Variants in MACF1 observed in about 807,000 individuals in gnomAD.
MACF1 encodes the protein microtubule-actin cross-linking factor 1.
Under a neutral mutation model 854.8 loss-of-function variants are expected in MACF1, and 193 were observed. That is an observed-to-expected ratio of 0.23 (90% CI 0.20 to 0.25). MACF1 has a LOEUF of 0.25. MACF1 is among the 10% of genes least tolerant of loss of function. The pLI, the probability that MACF1 is intolerant of heterozygous loss-of-function variation, is 1.00. For synonymous variants in MACF1, 3,185 were observed against 3,226.7 expected (o/e 0.99, Z 0.44); for missense variants, 7,722 against 8,929.1 (o/e 0.86, Z 5.45).
At chr1:39,344,128 A>G (rs1330875524) in intron 40 of MACF1, among the ~76,000 whole-genome samples, 6 of 147,482 alleles carry the variant, frequency 4.1e-5, no homozygotes, top group Non-Finnish European at 7.5e-5. Context: ...AAAAAAAAAA[A>G]GAAAAAAAGT....
chr1:39,161,463 G>C (rs906495593), intron 2 of MACF1, among the ~76,000 whole-genome samples: 4 of 152,078 alleles, frequency 2.6e-5, no homozygotes, highest in Non-Finnish European at 4.4e-5. Context: ...CAGTGCTTTG[G>C]GAAGCTGAGG....
intron 23 of MACF1, among the ~76,000 whole-genome samples, chr1:39,308,279 T>A (rs1646231114): frequency 6.6e-6 from 1 of 152,220 alleles, no homozygotes; most frequent in African/African-American, 2.4e-5. Flanking sequence ...ATGTTGGACC[T>A]CCTGAACTAA....
At chr1:39,317,832 A>C (rs1646442003) in intron 29 of MACF1, among the ~76,000 whole-genome samples, 1 of 152,214 alleles carries the variant, frequency 6.6e-6, no homozygotes, top group Non-Finnish European at 1.5e-5. Flanking sequence ...CTGTTACTAG[A>C]GGTCCTGCTT....
chr1:39,133,591 A>G (rs1189754469), intron 2 of MACF1, among the ~76,000 whole-genome samples: 6 of 151,948 alleles, frequency 3.9e-5, no homozygotes, highest in Non-Finnish European at 5.9e-5. Context: ...AACTTTATAA[A>G]GGTATAATTG....
At chr1:39,147,689 C>T (rs1457115733) in intron 2 of MACF1, among the ~76,000 whole-genome samples, 2 of 152,068 alleles carry the variant, frequency 1.3e-5, no homozygotes, top group African/African-American at 4.8e-5. Context: ...TGGTCTCGAA[C>T]TCCTGGCCTC....
At chr1:39,194,959 G>A (rs520080) in intron 2 of MACF1, among the ~76,000 whole-genome samples, 152,150 of 152,256 alleles carry the variant, frequency 1, 76,023 homozygotes, top group Middle Eastern at 1. Context: ...TTCTCAAAGC[G>A]CTGGGATTAC....
chr1:39,293,115 G>A (rs1365573199), intron 17 of MACF1, among the ~76,000 whole-genome samples: 2 of 152,160 alleles, frequency 1.3e-5, no homozygotes, highest in Admixed American at 6.5e-5. Context: ...TGTGCTTTGA[G>A]ACACCAAAAC....
At chr1:39,404,051 C>T (rs1351575809) in intron 58 of MACF1, among the ~76,000 whole-genome samples, 2 of 151,910 alleles carry the variant, frequency 1.3e-5, no homozygotes, top group African/African-American at 4.8e-5. Context: ...ATCGCTTGAA[C>T]TTGAGAGGCA....
At chr1:39,124,831 A>G (rs1474484000) in intron 2 of MACF1, among the ~76,000 whole-genome samples, 1 of 152,252 alleles carries the variant, frequency 6.6e-6, no homozygotes, top group East Asian at 1.9e-4. Context: ...GGATGAAGAA[A>G]CAGAACAAAC....
chr1:39,202,608 C>T (rs1644405055), upstream of MACF1, among the ~76,000 whole-genome samples: 1 of 151,654 alleles, frequency 6.6e-6, no homozygotes, highest in Admixed American at 6.6e-5. Flanking sequence ...GCACTCCAGC[C>T]TGGGCAACAG....
intron 93 of MACF1, among the ~76,000 whole-genome samples, chr1:39,462,431 A>G (rs971587636): frequency 6.6e-6 from 1 of 152,112 alleles, no homozygotes; most frequent in African/African-American, 2.4e-5. Flanking sequence ...TGGACTGGGC[A>G]TGGTGGCTTA....
At chr1:39,101,049 C>G (rs113817985) in intron 2 of MACF1, among the ~76,000 whole-genome samples, 1 of 151,312 alleles carries the variant, frequency 6.6e-6, no homozygotes, top group Admixed American at 6.6e-5. Context: ...GTGTGAGCCA[C>G]CATGCATAGC....
chr1:39,085,711 G>A (rs138893077), intron 2 of MACF1, among the ~76,000 whole-genome samples: 126 of 151,824 alleles, frequency 8.3e-4, no homozygotes, highest in African/African-American at 2.7e-3. Context: ...TCTATTACTC[G>A]GCTGCTTAAA....
rs767276251 is a variant in MACF1, at chr1:39,333,078, A to G, written c.6490A>G (p.Arg2164Gly). ...ETPKKEHQPL[R>G]NTSFTCQNEQ... ...ACCAAAGAAAGAACATCAACCTCTAAGAAACACTTCCTTTACATGTCAGAA... is the reference window on the plus strand; with the variant it reads ...ACCAAAGAAAGAACATCAACCTCTAGGAAACACTTCCTTTACATGTCAGAA... The change falls in exon 37 of 101, where the codon AGA becomes GGA. Residue 2164 changes from arginine (R) to glycine (G), a missense_variant. By Grantham distance (125) the Arg-to-Gly change is moderately radical (BLOSUM62 -2). Transcript: ENST00000564288. 2.0e-5 allele frequency: 33 copies of G among 1,614,140 alleles called. No homozygotes were observed. The East Asian group carries it at 6.9e-4, about 34-fold the overall frequency.
rs148622169 is a variant in MACF1 at position 39,333,591 on chromosome 1, T to C, written c.7003T>C (p.Phe2335Leu). The change falls in exon 37 of 101, where the codon TTC (phenylalanine) becomes CTC (leucine). Residue 2335 changes from phenylalanine (F) to leucine (L), a missense_variant. Around this residue, in one of 15 missense-constraint regions of MACF1, gnomAD observed 1,531 missense variants for 1,601.6 expected, o/e 0.96. Coordinates refer to ENST00000564288, the MANE Select transcript of MACF1 (RefSeq NM_001394062.1). ...GGAGAAGCTGAACATGTTTCAGGGG[T>C]TCTTTGACTCTCAGACTTGTGAGTC... ...LMEKLNMFQG[F>L]FDSQTCESLT... is the part of the protein sequence containing the mutation. 19 of 1,614,092 alleles carry C rather than the reference T, an allele frequency of 1.2e-5. No individual in the cohort carries two copies. The East Asian group carries it at 4.0e-4, about 34-fold the overall frequency.
At chr1:39,315,469 G>A in intron 26 of MACF1, 44 bp from the exon 27 acceptor site, 3 of 1,578,284 alleles carry the variant, frequency 1.9e-6, no homozygotes, top group African/African-American at 1.4e-5. Flanking sequence ...TACCTTTTTT[G>A]TTCAATTCTG....
intron 3 of MACF1, 41 bp downstream of exon 3, chr1:39,250,144 A>AC (rs1645024170): frequency 7.4e-7 from 1 of 1,360,314 alleles, no homozygotes; most frequent in Non-Finnish European, 1.1e-6. Context: ...TTGTGGCCCT[A>AC]CAAATGACAT....
Position 39,264,063 on chromosome 1 carries a change from G to T in MACF1, c.528+6035G>T, listed in dbSNP as rs182932434. ...ACTGGGATTACAGGCATGAGCCACT[G>T]TGCCCAGCATGATTTGTTCATTTTA... On this transcript the variant is annotated intron_variant, in intron 6 of 100. Transcript: ENST00000564288. Among the ~76,000 whole-genome samples the T allele has an allele frequency of 1.0e-3, 154 of 152,232 alleles. 1 individual carries two copies. Among genetic ancestry groups the T allele is most frequent in the African/African-American group, 3.6e-3 (148 of 41,534 alleles).
chr1:39,272,374 C>T (rs903426406), intron 6 of MACF1, among the ~76,000 whole-genome samples: 1 of 152,120 alleles, frequency 6.6e-6, no homozygotes, highest in Non-Finnish European at 1.5e-5. Context: ...ATACTGAAAC[C>T]GATAGGCAGG....
Sources: allele counts gnomAD v4.1 joint callset (sites outside exome capture counted in the v4.1 genomes callset), GRCh38; gene constraint gnomAD v4.1.1; regional missense constraint gnomAD v4.1.1; transcripts MANE v1.5; gene names NCBI Gene and HGNC (gene_info 2026-07-23, HGNC 2026-07-21).